The following OPCML variants were observed in gnomAD, a reference collection of about 807,000 sequenced individuals.
OPCML encodes the protein opioid binding protein/cell adhesion molecule like, also known as opioid-binding protein/cell adhesion molecule.
OPCML carries 13 observed loss-of-function variants against 37.8 expected under a neutral mutation model. The observed-to-expected ratio is 0.34, with a 90% confidence interval of 0.22 to 0.55. OPCML has a LOEUF of 0.55. OPCML is among the 20% of genes least tolerant of loss of function. The pLI is 0.91. For synonymous variants in OPCML, 176 were observed against 168.8 expected, an observed-to-expected ratio of 1.04 and a Z score of -0.33; for missense variants, 341 against 435.6, an observed-to-expected ratio of 0.78 and a Z score of 1.93.
At chr11:132,662,520 A>G (rs566119002) in intron 2 of OPCML, among the ~76,000 whole-genome samples, 2 of 152,274 alleles carry the variant, frequency 1.3e-5, no homozygotes, top group South Asian at 4.1e-4. Context: ...GAACAGGCCG[A>G]CAAAGTTCCT....
intron 2 of OPCML, among the ~76,000 whole-genome samples, chr11:132,729,387 G>A (rs1380875347): frequency 1.4e-5 from 2 of 139,326 alleles, no homozygotes; most frequent in African/African-American, 5.7e-5. Context: ...CCATATTATA[G>A]ATTTTACACA....
At chr11:132,669,486 G>T (rs1273784699) in intron 2 of OPCML, among the ~76,000 whole-genome samples, 4 of 152,140 alleles carry the variant, frequency 2.6e-5, no homozygotes, top group Non-Finnish European at 5.9e-5. Context: ...CAGTTTTTTG[G>T]AGTCAGTAAT....
At chr11:132,453,908 A>G (rs1278289737) in intron 4 of OPCML, among the ~76,000 whole-genome samples, 1 of 152,184 alleles carries the variant, frequency 6.6e-6, no homozygotes, top group Non-Finnish European at 1.5e-5. Flanking sequence ...AACATTGCTG[A>G]TGACTCTTGG....
At chr11:132,927,382 C>T (rs965117899) in intron 2 of OPCML, among the ~76,000 whole-genome samples, 15 of 152,098 alleles carry the variant, frequency 9.9e-5, no homozygotes, top group Non-Finnish European at 1.6e-4. Flanking sequence ...TCCCAGAAGG[C>T]GGTGGATTTT....
chr11:132,801,012 C>T (rs1008447056), intron 2 of OPCML, among the ~76,000 whole-genome samples: 1 of 152,100 alleles, frequency 6.6e-6, no homozygotes, highest in African/African-American at 2.4e-5. Context: ...CCAGTAAAGC[C>T]ACCGGGGCAT....
intron 2 of OPCML, among the ~76,000 whole-genome samples, chr11:132,701,067 ACTG>A (rs1431388507): frequency 6.6e-6 from 1 of 152,134 alleles, no homozygotes; most frequent in African/African-American, 2.4e-5. Context: ...CTGTTCTCAC[ACTG>A]CTAATAAAGA....
At chr11:132,523,196 C>T (rs1380861527) in intron 4 of OPCML, among the ~76,000 whole-genome samples, 3 of 152,202 alleles carry the variant, frequency 2.0e-5, no homozygotes, top group Non-Finnish European at 2.9e-5. Flanking sequence ...CATGAGCCAC[C>T]GCGCTCAGCT....
chr11:132,634,181 C>A (rs556425736), intron 3 of OPCML, among the ~76,000 whole-genome samples: 1 of 152,266 alleles, frequency 6.6e-6, no homozygotes, highest in South Asian at 2.1e-4. Context: ...CCTGGCTATG[C>A]CCAGCCTGGC....
At chr11:132,442,814 A>G (rs911908708) in intron 4 of OPCML, among the ~76,000 whole-genome samples, 1 of 152,136 alleles carries the variant, frequency 6.6e-6, no homozygotes, top group Non-Finnish European at 1.5e-5. Flanking sequence ...CTCTTCCACT[A>G]TGACTGTGAG....
intron 2 of OPCML, among the ~76,000 whole-genome samples, chr11:132,744,724 C>G (rs909570224): frequency 2.0e-5 from 3 of 152,292 alleles, no homozygotes; most frequent in Non-Finnish European, 2.9e-5. Context: ...GAACCCAAGA[C>G]AATATATAAG....
intron 3 of OPCML, among the ~76,000 whole-genome samples, chr11:132,574,641 A>G (rs1301958571): frequency 1.3e-5 from 2 of 151,886 alleles, no homozygotes; most frequent in East Asian, 3.9e-4. Context: ...TATAATTTCA[A>G]TTTTCTTAAT....
At chr11:132,702,649 T>G (rs1234641097) in intron 2 of OPCML, among the ~76,000 whole-genome samples, 9 of 152,200 alleles carry the variant, frequency 5.9e-5, no homozygotes, top group Non-Finnish European at 1.3e-4. Flanking sequence ...TAAGCAAGTT[T>G]ATTTCCCCTT....
chr11:132,835,930 T>C (rs1940976525), intron 2 of OPCML, among the ~76,000 whole-genome samples: 1 of 152,198 alleles, frequency 6.6e-6, no homozygotes, highest in South Asian at 2.1e-4. Flanking sequence ...GCTGTCTACT[T>C]ACAAATATCC....
chr11:133,209,318 C>T (rs1030743654), intron 1 of OPCML, among the ~76,000 whole-genome samples: 1 of 152,230 alleles, frequency 6.6e-6, no homozygotes, highest in Admixed American at 6.5e-5. Flanking sequence ...GATTATAGAA[C>T]CAGACAAGTT....
chr11:132,893,041 C>T (rs1269539129), intron 2 of OPCML, among the ~76,000 whole-genome samples: 1 of 152,146 alleles, frequency 6.6e-6, no homozygotes, highest in South Asian at 2.1e-4. Context: ...CACATTTCAC[C>T]CCTCTGCCAT....
rs181263809 is a variant in OPCML, at chr11:133,234,382, C to A, written c.62-291372G>T. ...GGCTTCTTCTCTCTCTAGGCAGGAC[C>A]ACAGCAGTCAGTACAAACTTGGCCT... On this transcript the variant is annotated intron_variant, in intron 1 of 7. Coordinates refer to ENST00000524381, the MANE Select transcript of OPCML (RefSeq NM_001012393.5). Among the ~76,000 whole-genome samples, 405 of 152,340 alleles carry A rather than the reference C, an allele frequency of 2.7e-3. 1 individual carries two copies. The highest frequency in any genetic ancestry group is 4.0e-3 in the Non-Finnish European group (273 of 68,040).
chr11:133,226,654 G>A (rs1463034223), intron 1 of OPCML, among the ~76,000 whole-genome samples: 2 of 152,124 alleles, frequency 1.3e-5, no homozygotes, highest in Non-Finnish European at 2.9e-5. Context: ...AGCAAGCCCC[G>A]AATCCATTAC....
chr11:133,298,591 G>A (rs1942693248), intron 1 of OPCML: 2 of 152,096 alleles, frequency 1.3e-5, no homozygotes, highest in Non-Finnish European at 2.9e-5. Flanking sequence ...CTGGTCAAAG[G>A]AATAACTGTG....
At chr11:133,122,936 TCATTTG>T (rs1949443871) in intron 1 of OPCML, among the ~76,000 whole-genome samples, 1 of 152,242 alleles carries the variant, frequency 6.6e-6, no homozygotes, top group African/African-American at 2.4e-5. Flanking sequence ...CATTCCCTTT[TCATTTG>T]GAAATCACTA....
Sources: gnomAD v4.1 joint callset for allele counts (sites outside exome capture counted in the v4.1 genomes callset) on GRCh38, gnomAD v4.1.1 for gene constraint, MANE v1.5 for transcripts, NCBI Gene and HGNC (gene_info 2026-07-23, HGNC 2026-07-21) for gene names.